The following HNF4G variants were observed in gnomAD, a reference collection of about 807,000 sequenced individuals.
The protein encoded by HNF4G is hepatocyte nuclear factor 4-gamma.
Under a neutral mutation model 50.9 loss-of-function variants are expected in HNF4G, and 21 were observed. The ratio of observed to expected loss-of-function variants is 0.41; its 90% CI spans 0.29 to 0.59. The LOEUF (loss-of-function observed/expected upper bound fraction) is 0.59. HNF4G is among the 20% of genes least tolerant of loss of function. The pLI, the probability that HNF4G is intolerant of heterozygous loss-of-function variation, is 0.26. For synonymous variants in HNF4G, 198 were observed against 185.6 expected, an observed-to-expected ratio of 1.07 and a Z score of -0.54; for missense variants, 527 against 559.4, an observed-to-expected ratio of 0.94 and a Z score of 0.58.
chr8:75,542,163 G>T (rs910603346), intron 1 of HNF4G, among the ~76,000 whole-genome samples: 3 of 151,914 alleles, frequency 2.0e-5, no homozygotes, highest in Non-Finnish European at 4.4e-5. Context: ...AAACTAGCTG[G>T]ATGTGGTGAT....
At chr8:75,548,285 C>T (rs985907702) in intron 3 of HNF4G, among the ~76,000 whole-genome samples, 1 of 152,094 alleles carries the variant, frequency 6.6e-6, no homozygotes, top group Non-Finnish European at 1.5e-5. Context: ...ACACCTGACA[C>T]AAATGTATTT....
chr8:75,555,158 T>C (rs1324860523), intron 5 of HNF4G, among the ~76,000 whole-genome samples: 1 of 152,094 alleles, frequency 6.6e-6, no homozygotes, highest in East Asian at 1.9e-4. Flanking sequence ...GTGGTAGCAA[T>C]GGAGATGAAA....
chr8:75,535,350 T>A (rs1174208169), upstream of HNF4G, among the ~76,000 whole-genome samples: 1 of 80,126 alleles, frequency 1.2e-5, no homozygotes, highest in Non-Finnish European at 2.3e-5. Flanking sequence ...CAAGGAAATA[T>A]GATTTTTTTT....
chr8:75,482,342 C>G (rs1414850632), intron 1 of HNF4G, among the ~76,000 whole-genome samples: 1 of 151,998 alleles, frequency 6.6e-6, no homozygotes, highest in African/African-American at 2.4e-5. Context: ...AAAAGCCTCT[C>G]TTCTCCTCTC....
intron 2 of HNF4G, among the ~76,000 whole-genome samples, chr8:75,519,549 G>C (rs1805984162): frequency 6.6e-6 from 1 of 152,154 alleles, no homozygotes; most frequent in South Asian, 2.1e-4. Flanking sequence ...GGCTGAGGAG[G>C]CCTCACATTC....
In HNF4G at chr8:75,551,454, C is replaced by T. The variant is rs1212794253; in HGVS notation, c.449C>T (p.Ser150Phe). Residue 150 changes from serine (S) to phenylalanine (F), a missense_variant, in exon 4 of 10, where the codon TCC becomes TTC. Transcript: ENST00000396423. The part of the protein sequence containing the change: ...RSTFDGSNIP[S>F]INTLAQAEVR... ...ACATTTGATGGCAGCAACATCCCCT[C>T]CATTAACACACTGGCACAAGCTGAA... is the stretch of plus-strand genomic sequence containing the variant. 5.6e-6 allele frequency: 9 copies of T among 1,613,090 alleles called. No individual in the cohort carries two copies. In the African/African-American group the frequency reaches 9.3e-5, roughly 17 times the overall value.
At chr8:75,547,880 G>C (rs143358264) in intron 3 of HNF4G, among the ~76,000 whole-genome samples, 199 bp downstream of exon 3, 1 of 152,048 alleles carries the variant, frequency 6.6e-6, no homozygotes, top group Non-Finnish European at 1.5e-5. Flanking sequence ...TATTTATCTG[G>C]TGACTACCTG....
At chr8:75,428,065 C>T (rs1475485528) in intron 1 of HNF4G, among the ~76,000 whole-genome samples, 1 of 152,070 alleles carries the variant, frequency 6.6e-6, no homozygotes, top group African/African-American at 2.4e-5. Context: ...TGGAACATTA[C>T]ATTGTGGTGA....
intron 2 of HNF4G, among the ~76,000 whole-genome samples, chr8:75,507,169 T>C (rs765936336): frequency 4.4e-4 from 67 of 152,316 alleles, no homozygotes; most frequent in Non-Finnish European, 7.4e-4. Context: ...TATTTTTATA[T>C]GTAATCTATC....
At chr8:75,440,466 A>G (rs999301940) in intron 1 of HNF4G, among the ~76,000 whole-genome samples, 1 of 152,214 alleles carries the variant, frequency 6.6e-6, no homozygotes, top group African/African-American at 2.4e-5. Context: ...ACCATCTATG[A>G]ATTGTTTATG....
intron 2 of HNF4G, among the ~76,000 whole-genome samples, chr8:75,528,753 C>A (rs1806246522): frequency 6.7e-6 from 1 of 149,964 alleles, no homozygotes. Context: ...TATAGTAATG[C>A]CCAAAAAGTG....
At chr8:75,476,371 C>T (rs1023388010) in intron 1 of HNF4G, among the ~76,000 whole-genome samples, 8 of 152,116 alleles carry the variant, frequency 5.3e-5, no homozygotes, top group Admixed American at 3.9e-4. Context: ...CATGACTTTG[C>T]TATTGTGAAC....
upstream of HNF4G, among the ~76,000 whole-genome samples, chr8:75,539,620 C>G (rs553774903): frequency 9.9e-5 from 15 of 152,208 alleles, no homozygotes; most frequent in African/African-American, 3.6e-4. Context: ...ATGAGATTTT[C>G]TTTTCTATTT....
At chr8:75,563,925 G>A (rs1327153196) in intron 9 of HNF4G, 50 bp from the exon 10 acceptor site, 2 of 1,605,264 alleles carry the variant, frequency 1.2e-6, no homozygotes, top group African/African-American at 2.7e-5. Context: ...TTAATGGGGT[G>A]AGGAAGACTG....
chr8:75,415,070 G>T (rs537676878), intron 1 of HNF4G, among the ~76,000 whole-genome samples: 2 of 152,278 alleles, frequency 1.3e-5, no homozygotes, highest in Non-Finnish European at 1.5e-5. Flanking sequence ...CATTCTAAAA[G>T]ATATAAGATA....
chr8:75,555,281 C>T (rs1272827400), intron 5 of HNF4G, among the ~76,000 whole-genome samples: 3 of 152,118 alleles, frequency 2.0e-5, no homozygotes, highest in Admixed American at 1.3e-4. Flanking sequence ...CTTTGGATTA[C>T]GGTGTCATTT....
At chr8:75,422,824 C>T (rs1306541024) in intron 1 of HNF4G, among the ~76,000 whole-genome samples, 5 of 152,024 alleles carry the variant, frequency 3.3e-5, no homozygotes, top group African/African-American at 1.2e-4. Flanking sequence ...TCACTAGAGA[C>T]GGGGTTTCAC....
chr8:75,410,969 T>A (rs1810486603), intron 1 of HNF4G, among the ~76,000 whole-genome samples: 3 of 152,230 alleles, frequency 2.0e-5, no homozygotes, highest in Admixed American at 6.5e-5. Flanking sequence ...ATACTTAATA[T>A]GCACTAGGTA....
At chr8:75,536,088 T>C (rs924164286), upstream of HNF4G, among the ~76,000 whole-genome samples, 1 of 151,918 alleles carries the variant, frequency 6.6e-6, no homozygotes, top group East Asian at 1.9e-4. Flanking sequence ...AGAGCTAAGA[T>C]GGAACATCTT....
Sources: gnomAD v4.1 joint callset for allele counts (sites outside exome capture counted in the v4.1 genomes callset) on GRCh38, gnomAD v4.1.1 for gene constraint, MANE v1.5 for transcripts, NCBI Gene and HGNC (gene_info 2026-07-23, HGNC 2026-07-21) for gene names.